Variants in SCAI observed in about 807,000 individuals in gnomAD.
SCAI encodes the protein protein SCAI.
In SCAI, 24 loss-of-function variants were observed where a neutral mutation model predicts 92.2. The ratio of observed to expected loss-of-function variants is 0.26; its 90% CI spans 0.19 to 0.37. The LOEUF (loss-of-function observed/expected upper bound fraction) is 0.37, where lower values mean the gene tolerates loss of function less well. Ranked by LOEUF, SCAI falls within the 10% of genes least tolerant of loss-of-function variation. The pLI, the probability that SCAI is intolerant of heterozygous loss-of-function variation, is 1.00. For synonymous variants in SCAI, 261 were observed against 258.6 expected, an observed-to-expected ratio of 1.01 and a Z score of -0.09; for missense variants, 450 against 736.2, an observed-to-expected ratio of 0.61 and a Z score of 4.50.
At position 124,947,924 on chromosome 9, in the gene SCAI, A is replaced by G. The variant is rs542015501; in HGVS notation, c.*4883T>C. 1 of 152,314 alleles carries G rather than the reference A, an allele frequency of 6.6e-6. No individual in the cohort carries two copies. The highest frequency in any genetic ancestry group is 2.1e-4 in the South Asian group (1 of 4,828). The allele number at this position is 152,314 out of a possible 1,614,324, so 9.4% of individuals were successfully genotyped here. On this transcript the variant is annotated 3_prime_UTR_variant, in exon 18 of 18. Coordinates refer to ENST00000336505, the MANE Select transcript of SCAI (RefSeq NM_001144877.3). ...AATTAGCAGACCTTGGTACCTGACT[A>G]TATTTCCAGTCCAGAGTGTTCTCTG...
At chr9:125,043,267 C>T (rs994080456) in intron 3 of SCAI, among the ~76,000 whole-genome samples, 1 of 152,178 alleles carries the variant, frequency 6.6e-6, no homozygotes, top group African/African-American at 2.4e-5. Context: ...AGTCAAAGAG[C>T]ACACTGTCCG....
chr9:125,133,234 A>G (rs1588252836), intron 2 of SCAI, among the ~76,000 whole-genome samples: 1 of 151,920 alleles, frequency 6.6e-6, no homozygotes, highest in East Asian at 1.9e-4. Flanking sequence ...TACTAAAAAT[A>G]CAAAAATTCA....
chr9:124,989,308 C>T (rs1160201880), intron 14 of SCAI, among the ~76,000 whole-genome samples: 1 of 152,022 alleles, frequency 6.6e-6, no homozygotes, highest in African/African-American at 2.4e-5. Flanking sequence ...GGCTCGGCGC[C>T]GTGGCTCAGG....
chr9:125,100,156 C>T (rs1384746845), intron 2 of SCAI, among the ~76,000 whole-genome samples: 2 of 152,230 alleles, frequency 1.3e-5, no homozygotes, highest in Non-Finnish European at 2.9e-5. Context: ...GTGTATTCTA[C>T]AGATCTATGA....
intron 2 of SCAI, among the ~76,000 whole-genome samples, chr9:125,117,665 C>CAAAAAAAAAA (rs372964615): frequency 2.2e-5 from 1 of 45,252 alleles, no homozygotes; most frequent in African/African-American, 1.0e-4. Context: ...GACTCCATCT[C>CAAAAAAAAAA]AAAAAAAAAA....
In SCAI at chr9:125,091,214, G is replaced by A. The variant is rs1459581579; in HGVS notation, c.99-35207C>T. On this transcript the variant is annotated intron_variant, in intron 2 of 17. Coordinates refer to ENST00000336505, the MANE Select transcript of SCAI (RefSeq NM_001144877.3). This position sits in a 1 kb window ranked among gnomAD's most constrained non-coding sequence, Gnocchi z 4.3. ...GCATCCGGAACCAGACTCCCCTAGGGGCATGACTTCAGCCATGATTACAGA... is the reference window on the plus strand; with the variant it reads ...GCATCCGGAACCAGACTCCCCTAGGAGCATGACTTCAGCCATGATTACAGA... Among the ~76,000 whole-genome samples the A allele has an allele frequency of 6.6e-6, 1 of 152,140 alleles. No individual in the cohort carries two copies. Among genetic ancestry groups the A allele is most frequent in the African/African-American group, 2.4e-5 (1 of 41,422 alleles).
At chr9:125,101,851 T>C (rs1049663893) in intron 2 of SCAI, among the ~76,000 whole-genome samples, 4 of 152,212 alleles carry the variant, frequency 2.6e-5, no homozygotes, top group Non-Finnish European at 5.9e-5. Context: ...GCTAAACAGT[T>C]TAGATTTCCT....
At chr9:124,982,604 C>T (rs1378262034) in intron 14 of SCAI, among the ~76,000 whole-genome samples, 2 of 149,916 alleles carry the variant, frequency 1.3e-5, no homozygotes, top group African/African-American at 4.9e-5. Context: ...CACTTGAACC[C>T]GGGAGGCAGA....
At chr9:125,033,205 A>G (rs2131094738) in intron 3 of SCAI, among the ~76,000 whole-genome samples, 1 of 152,292 alleles carries the variant, frequency 6.6e-6, no homozygotes, top group East Asian at 1.9e-4. Context: ...CTCCAAAAAA[A>G]AAAATCAATT....
chr9:124,993,971 G>A lies in SCAI; in HGVS notation c.1326+963C>T, dbSNP rs116785236. 9.8e-3 allele frequency among the ~76,000 whole-genome samples: 1,485 copies of A among 151,382 alleles called. 19 individuals are homozygous for A. Among genetic ancestry groups the A allele is most frequent in the African/African-American group, 0.034 (1,404 of 41,232 alleles). On this transcript the variant is annotated intron_variant, in intron 14 of 17. Transcript: ENST00000336505. ...AAAGGACTCTAAAGACTGTGCTTTCGTTTTCCTGTAAATTACTATAGTTTG... is the reference window on the plus strand; with the variant it reads ...AAAGGACTCTAAAGACTGTGCTTTCATTTTCCTGTAAATTACTATAGTTTG...
At chr9:125,032,496 G>C (rs1340154131) in intron 3 of SCAI, among the ~76,000 whole-genome samples, 1 of 150,128 alleles carries the variant, frequency 6.7e-6, no homozygotes, top group South Asian at 2.1e-4. Context: ...CCGGCCTCTG[G>C]TTAGCTTTCC....
chr9:124,969,660 C>T (rs1331212044), intron 17 of SCAI, among the ~76,000 whole-genome samples: 1 of 152,234 alleles, frequency 6.6e-6, no homozygotes, highest in Non-Finnish European at 1.5e-5. Flanking sequence ...GGAAGGATTA[C>T]AGAAATAGCA....
intron 3 of SCAI, among the ~76,000 whole-genome samples, chr9:125,043,113 C>A (rs1475079104): frequency 6.6e-6 from 1 of 152,018 alleles, no homozygotes; most frequent in Admixed American, 6.6e-5. Context: ...AGTGATCCAC[C>A]TGCCCTGGCT....
intron 2 of SCAI, among the ~76,000 whole-genome samples, chr9:125,125,736 C>G (rs533114685): frequency 2.1e-5 from 3 of 143,088 alleles, no homozygotes; most frequent in Non-Finnish European, 4.5e-5. Context: ...GGGGCTCAGG[C>G]AGGAGAATCA....
chr9:125,111,391 G>C (rs1834926036), intron 2 of SCAI, among the ~76,000 whole-genome samples: 1 of 152,062 alleles, frequency 6.6e-6, no homozygotes, highest in Non-Finnish European at 1.5e-5. Context: ...ACGGGGACTA[G>C]ATTTACCCTC....
intron 14 of SCAI, among the ~76,000 whole-genome samples, chr9:124,979,742 C>T (rs188929873): frequency 1.1e-3 from 169 of 151,992 alleles, no homozygotes; most frequent in African/African-American, 3.7e-3. Context: ...GAATGTAATA[C>T]CAGTACTAAA....
intron 2 of SCAI, among the ~76,000 whole-genome samples, chr9:125,138,653 A>T (rs1391687961): frequency 6.6e-6 from 1 of 151,946 alleles, no homozygotes. Context: ...TGACCTTGTG[A>T]TCCGCCCGCC....
intron 9 of SCAI, among the ~76,000 whole-genome samples, chr9:125,014,697 G>A (rs946112118): frequency 1.3e-5 from 2 of 152,032 alleles, no homozygotes; most frequent in Non-Finnish European, 2.9e-5. Context: ...AGTTCATATG[G>A]AACCAAAAAA....
intron 5 of SCAI, among the ~76,000 whole-genome samples, 184 bp from the exon 6 acceptor site, chr9:125,027,094 G>GA (rs1832979136): frequency 1.3e-5 from 2 of 152,122 alleles, no homozygotes; most frequent in South Asian, 4.1e-4. Context: ...AAATAATAAT[G>GA]AAATTTTTTT....
Sources: allele counts gnomAD v4.1 joint callset (sites outside exome capture counted in the v4.1 genomes callset), GRCh38; gene constraint gnomAD v4.1.1; non-coding constraint Gnocchi (gnomAD v3.1); transcripts MANE v1.5; gene names NCBI Gene and HGNC (gene_info 2026-07-23, HGNC 2026-07-21).